Variants in PDLIM5 observed in about 807,000 individuals in gnomAD.
PDLIM5 encodes PDZ and LIM domain 5.
In PDLIM5, 34 loss-of-function variants were observed where a neutral mutation model predicts 64.2. That is an observed-to-expected ratio of 0.53 (90% CI 0.40 to 0.71). PDLIM5 has a LOEUF of 0.71. PDLIM5 is among the 30% of genes least tolerant of loss of function. The pLI is 0.00. For synonymous variants in PDLIM5, 253 were observed against 269.1 expected (o/e 0.94, Z 0.59); for missense variants, 683 against 733.6 (o/e 0.93, Z 0.80).
At chr4:94,615,245 C>T (rs1452256656) in intron 7 of PDLIM5, among the ~76,000 whole-genome samples, 1 of 152,024 alleles carries the variant, frequency 6.6e-6, no homozygotes, top group African/African-American at 2.4e-5. Context: ...GTGGAGGAGA[C>T]AAGATGCATA....
intron 7 of PDLIM5, among the ~76,000 whole-genome samples, chr4:94,601,443 TAAC>T (rs1737490164): frequency 6.6e-6 from 1 of 152,192 alleles, no homozygotes. Flanking sequence ...GTTCACTGTA[TAAC>T]AACAAATAAT....
At chr4:94,601,683 C>G (rs1737514772) in intron 7 of PDLIM5, among the ~76,000 whole-genome samples, 1 of 152,140 alleles carries the variant, frequency 6.6e-6, no homozygotes. Context: ...GCAAGGATAA[C>G]TCTACTTGCT....
intron 3 of PDLIM5, among the ~76,000 whole-genome samples, chr4:94,537,225 A>G (rs535077072): frequency 4.6e-5 from 7 of 152,280 alleles, no homozygotes; most frequent in Admixed American, 1.3e-4. Flanking sequence ...CCTGCATTCA[A>G]ATACCTCTCT....
At chr4:94,453,495 A>G (rs1254736697) in intron 1 of PDLIM5, among the ~76,000 whole-genome samples, 1 of 152,218 alleles carries the variant, frequency 6.6e-6, no homozygotes, top group African/African-American at 2.4e-5. Flanking sequence ...AGTTGCAAGT[A>G]CATGGGTTGA....
At chr4:94,579,462 T>C in intron 5 of PDLIM5, 1 of 866,524 alleles carries the variant, frequency 1.2e-6, no homozygotes, top group Non-Finnish European at 1.8e-6. Flanking sequence ...AACCTGGCCT[T>C]GGAAGATTAA....
At chr4:94,636,875 AGATATTGACAG>A (rs1740618792) in intron 8 of PDLIM5, among the ~76,000 whole-genome samples, 2 of 152,106 alleles carry the variant, frequency 1.3e-5, no homozygotes, top group Admixed American at 1.3e-4. Context: ...AGGGAGGAAA[AGATATTGACAG>A]GATATTGATA....
intron 2 of PDLIM5, among the ~76,000 whole-genome samples, chr4:94,520,133 G>T (rs1729704713): frequency 6.6e-6 from 1 of 152,146 alleles, no homozygotes; most frequent in Non-Finnish European, 1.5e-5. Flanking sequence ...GTTCCAACAT[G>T]TACAGCCATG....
intron 9 of PDLIM5, among the ~76,000 whole-genome samples, chr4:94,654,058 G>A (rs1294250307): frequency 6.6e-6 from 1 of 152,156 alleles, no homozygotes; most frequent in Non-Finnish European, 1.5e-5. Context: ...TTTTGTAGAA[G>A]TGTCAAAGTC....
chr4:94,608,598 C>T (rs893586212), intron 7 of PDLIM5, among the ~76,000 whole-genome samples: 1 of 152,072 alleles, frequency 6.6e-6, no homozygotes, highest in South Asian at 2.1e-4. Context: ...ATACTAAATC[C>T]TTTTCTATTA....
chr4:94,648,027 A>C (rs1244751156), intron 9 of PDLIM5, among the ~76,000 whole-genome samples: 1 of 152,234 alleles, frequency 6.6e-6, no homozygotes, highest in Non-Finnish European at 1.5e-5. Flanking sequence ...GCTTAGATGG[A>C]AATTGATAGC....
rs779221454 is a variant in PDLIM5, at chr4:94,576,052, T to C, written c.710+18T>C. On this transcript the variant is annotated intron_variant, in intron 5 of 12. Coordinates refer to ENST00000317968, the MANE Select transcript of PDLIM5 (RefSeq NM_006457.5). Reference sequence around the variant, plus strand: ...CAAAATGGGTAGGTGGCTAAGGTGCTTTCTGCTCTTACTAAAACTCTTCTT... The same window carrying C: ...CAAAATGGGTAGGTGGCTAAGGTGCCTTCTGCTCTTACTAAAACTCTTCTT... The C allele has an allele frequency of 7.5e-6, 12 of 1,593,582 alleles. No individual in the cohort carries two copies. The highest frequency in any genetic ancestry group is 1.0e-5 in the Non-Finnish European group (12 of 1,165,526).
chr4:94,594,117 C>G (rs1266819524), intron 7 of PDLIM5, among the ~76,000 whole-genome samples: 2 of 152,066 alleles, frequency 1.3e-5, no homozygotes, highest in African/African-American at 4.8e-5. Flanking sequence ...ACATTAATAC[C>G]TATATTGAAA....
chr4:94,589,732 CTTTCTTTTCT>C (rs61103869), intron 7 of PDLIM5, among the ~76,000 whole-genome samples: 226 of 148,656 alleles, frequency 1.5e-3, no homozygotes, highest in Admixed American at 2.4e-3. Context: ...CTCTTTCTTT[CTTTCTTTTCT>C]TTTCTTTTCT....
intron 7 of PDLIM5, among the ~76,000 whole-genome samples, chr4:94,605,178 C>T (rs938542983): frequency 3.9e-5 from 6 of 152,080 alleles, no homozygotes; most frequent in South Asian, 2.1e-4. Context: ...AGATGGAGTA[C>T]ACAGCATTAG....
At chr4:94,545,354 G>A (rs546882378) in intron 3 of PDLIM5, among the ~76,000 whole-genome samples, 1 of 152,100 alleles carries the variant, frequency 6.6e-6, no homozygotes, top group Non-Finnish European at 1.5e-5. Flanking sequence ...TATCTTTTTA[G>A]AAGCCCAAAT....
At chr4:94,654,229 G>A (rs1378073998) in intron 9 of PDLIM5, among the ~76,000 whole-genome samples, 1 of 152,058 alleles carries the variant, frequency 6.6e-6, no homozygotes, top group Non-Finnish European at 1.5e-5. Context: ...AAAGGGTGGG[G>A]AGTGCCCTTT....
intron 2 of PDLIM5, among the ~76,000 whole-genome samples, chr4:94,482,706 T>C (rs1008938968): frequency 2.6e-5 from 4 of 151,976 alleles, no homozygotes; most frequent in African/African-American, 9.7e-5. Context: ...CTGAGCAACA[T>C]AGTGAGACCC....
rs541525346 is a variant in PDLIM5 at position 94,656,035 on chromosome 4, A to T, written c.1465-1392A>T. Among the ~76,000 whole-genome samples the T allele has an allele frequency of 3.6e-4, 55 of 152,298 alleles. 3 individuals are homozygous for T. The South Asian group carries it at 0.01, about 29-fold the overall frequency. Reference sequence around the variant, plus strand: ...GACAATTTCTATGGCTAATAAGTCTATATTATTTCATTTTATTTTGATATT... The same window carrying T: ...GACAATTTCTATGGCTAATAAGTCTTTATTATTTCATTTTATTTTGATATT... On this transcript the variant is annotated intron_variant, in intron 10 of 12. Coordinates refer to ENST00000317968, the MANE Select transcript of PDLIM5 (RefSeq NM_006457.5).
chr4:94,489,892 A>G (rs1428316153), intron 2 of PDLIM5, among the ~76,000 whole-genome samples: 3 of 152,042 alleles, frequency 2.0e-5, no homozygotes, highest in Non-Finnish European at 4.4e-5. Context: ...TCCCCCACAA[A>G]TACATGTTGT....
Sources: allele counts gnomAD v4.1 joint callset (sites outside exome capture counted in the v4.1 genomes callset), GRCh38; gene constraint gnomAD v4.1.1; transcripts MANE v1.5; gene names NCBI Gene and HGNC (gene_info 2026-07-23, HGNC 2026-07-21).